Variants in PCYOX1L observed in about 807,000 individuals in gnomAD.
PCYOX1L encodes the protein prenylcysteine oxidase 1 like.
A neutral mutation model predicts 44.1 loss-of-function variants in PCYOX1L; 40 were observed. That is an observed-to-expected ratio of 0.91 (90% CI 0.70 to 1.18). The LOEUF is 1.18. Among genes scored for constraint, PCYOX1L ranks in the 50% most tolerant of loss-of-function variants. The probability of loss-of-function intolerance (pLI) is 0.00; values close to 1 mark genes in which losing one functional copy is unlikely to be tolerated. For synonymous variants in PCYOX1L, 266 were observed against 282.8 expected (o/e 0.94, Z 0.60); for missense variants, 605 against 653.3 (o/e 0.93, Z 0.81).
rs1758136329 is a variant in PCYOX1L, at chr5:149,364,558, GGCAGCCAGCCCTCCACC to G, written c.470+356_470+372del. 5 of 203,538 alleles carry G rather than the reference GGCAGCCAGCCCTCCACC, an allele frequency of 2.5e-5. No individual in the cohort carries two copies. The South Asian group carries it at 5.5e-4, about 22-fold the overall frequency. The allele number at this position is 203,538 out of a possible 1,614,324, so 12.6% of individuals were successfully genotyped here. On this transcript the variant is annotated intron_variant, in intron 3 of 5. Coordinates refer to ENST00000274569, the MANE Select transcript of PCYOX1L (RefSeq NM_024028.4). ...GCAGAACAAGGCCCCCTCTGAAGGA[GGCAGCCAGCCCTCCACC>G]GCAGCCATCTGCAGCCAGCCGTGTA...
chr5:149,361,866 G>A (rs1485719256), intron 1 of PCYOX1L, among the ~76,000 whole-genome samples: 2 of 147,666 alleles, frequency 1.4e-5, no homozygotes, highest in Admixed American at 6.6e-5. Flanking sequence ...GACTTCAGGT[G>A]ATCTGCCCCC....
At chr5:149,359,916 C>T (rs1757959948) in intron 1 of PCYOX1L, among the ~76,000 whole-genome samples, 1 of 152,220 alleles carries the variant, frequency 6.6e-6, no homozygotes, top group Admixed American at 6.5e-5. Context: ...CTGAGAACCC[C>T]CAAGTGGCAT....
chr5:149,368,022 G>T lies in PCYOX1L; in HGVS notation c.853G>T (p.Glu285Ter), dbSNP rs1326533214. ...EGKALYQVAY[E>*]NEVGNSSDFY... Reference sequence around the variant, plus strand: ...GAAAGCCCTGTACCAGGTGGCGTATGAGAATGAGGTAGGCAACAGCTCTGA... The same window carrying T: ...GAAAGCCCTGTACCAGGTGGCGTATTAGAATGAGGTAGGCAACAGCTCTGA... The change falls in exon 6 of 6, where the codon GAG (glutamate) becomes TAG (stop). Residue 285 changes from glutamate to a stop codon, truncating the protein, a stop_gained. Coordinates refer to ENST00000274569, the MANE Select transcript of PCYOX1L (RefSeq NM_024028.4). LOFTEE classifies it high-confidence loss of function. 1 of 1,548,134 alleles carries T rather than the reference G, an allele frequency of 6.5e-7. No homozygotes were observed. Among genetic ancestry groups the T allele is most frequent in the Admixed American group, 2.0e-5 (1 of 49,080 alleles).
rs1407453927 is a variant in PCYOX1L at position 149,362,778 on chromosome 5, A to C, written c.230A>C (p.Tyr77Ser). The C allele has an allele frequency of 6.2e-7, 1 of 1,614,162 alleles. No homozygotes were observed. Among genetic ancestry groups the C allele is most frequent in the Non-Finnish European group, 8.5e-7 (1 of 1,180,022 alleles). Residue 77 changes from tyrosine (Y) to serine (S), a missense_variant, in exon 2 of 6, where the codon TAT becomes TCT. By Grantham distance (144) the Tyr-to-Ser change is moderately radical (BLOSUM62 -2). Coordinates refer to ENST00000274569, the MANE Select transcript of PCYOX1L (RefSeq NM_024028.4). ...ACCATCTCAGTCAACAAGCAGCACT[A>C]TGAGAGCGGGGCTGCCTCCTTCCAC... Reference protein sequence around the residue: ...LATISVNKQHYESGAASFHSL... With the variant: ...LATISVNKQHSESGAASFHSL...
At chr5:149,367,721 CT>C (rs1758265051) in intron 5 of PCYOX1L, among the ~76,000 whole-genome samples, 1 of 152,232 alleles carries the variant, frequency 6.6e-6, no homozygotes, top group Admixed American at 6.5e-5. Context: ...CAGCCTTTTT[CT>C]GTTGACCGAT....
chr5:149,364,432 C>T (rs1308972663), intron 3 of PCYOX1L: 4 of 539,736 alleles, frequency 7.4e-6, no homozygotes, highest in Non-Finnish European at 9.9e-6. Context: ...ATTTTCTTAC[C>T]CTCTACTACA....
In PCYOX1L at chr5:149,367,534, C is replaced by T. The variant is rs200328826; in HGVS notation, c.823+34C>T. On this transcript the variant is annotated intron_variant, in intron 5 of 5. Coordinates refer to ENST00000274569, the MANE Select transcript of PCYOX1L (RefSeq NM_024028.4). ...ACAGGGCGGGAGTGGGCAGGCATGCCATTCCCAGCCAGTGGACAGACACTT... is the reference window on the plus strand; with the variant it reads ...ACAGGGCGGGAGTGGGCAGGCATGCTATTCCCAGCCAGTGGACAGACACTT... The T allele has an allele frequency of 3.7e-5, 59 of 1,606,812 alleles. No homozygotes were observed. The East Asian group carries it at 1.3e-3, about 35-fold the overall frequency.
At chr5:149,367,966 T>C in intron 5 of PCYOX1L, 27 bp from the exon 6 acceptor site, 1 of 1,520,106 alleles carries the variant, frequency 6.6e-7, no homozygotes, top group South Asian at 1.3e-5. Flanking sequence ...CAAGGGAAAG[T>C]TGACTTTTGT....
intron 3 of PCYOX1L, 141 bp from the exon 4 acceptor site, chr5:149,365,801 C>T: frequency 4.2e-6 from 3 of 720,310 alleles, no homozygotes; most frequent in Non-Finnish European, 7.0e-6. Flanking sequence ...TGCCAGGGAA[C>T]ATGACCAGCC....
intron 1 of PCYOX1L, among the ~76,000 whole-genome samples, chr5:149,361,394 T>C (rs1758006357): frequency 6.6e-6 from 1 of 152,144 alleles, no homozygotes; most frequent in Non-Finnish European, 1.5e-5. Flanking sequence ...TTGATGTCTG[T>C]CCAGGCAGTG....
At chr5:149,367,715 C>T (rs1021760883) in intron 5 of PCYOX1L, among the ~76,000 whole-genome samples, 1 of 152,210 alleles carries the variant, frequency 6.6e-6, no homozygotes, top group African/African-American at 2.4e-5. Flanking sequence ...TCGACCCAGC[C>T]TTTTTCTGTT....
chr5:149,361,234 CCTCAT>C (rs1758001124), intron 1 of PCYOX1L, among the ~76,000 whole-genome samples: 3 of 152,254 alleles, frequency 2.0e-5, no homozygotes, highest in Admixed American at 2.0e-4. Flanking sequence ...CATGGTGAAA[CCTCAT>C]CTCTACGAAA....
At chr5:149,367,046 C>G (rs1213760854) in intron 4 of PCYOX1L, among the ~76,000 whole-genome samples, 1 of 152,170 alleles carries the variant, frequency 6.6e-6, no homozygotes, top group Non-Finnish European at 1.5e-5. Context: ...CCCCAACACC[C>G]CCCGGCCTCC....
chr5:149,364,290 T>C (rs1758127063), intron 3 of PCYOX1L, 80 bp downstream of exon 3: 2 of 1,536,356 alleles, frequency 1.3e-6, no homozygotes, highest in East Asian at 2.3e-5. Context: ...GCCTGTACTT[T>C]GTGAAAAAGG....
chr5:149,362,890 G>T (rs775307406), intron 2 of PCYOX1L, 47 bp downstream of exon 2: 10 of 1,595,918 alleles, frequency 6.3e-6, no homozygotes, highest in Non-Finnish European at 7.7e-6. Flanking sequence ...CCTGGGGCTG[G>T]TGACAGCACT....
Position 149,368,497 on chromosome 5 carries a change from T to C in PCYOX1L, c.1328T>C (p.Leu443Pro). 6.2e-7 allele frequency: 1 copy of C among 1,612,334 alleles called. No individual in the cohort carries two copies. The highest frequency in any genetic ancestry group is 8.5e-7 in the Non-Finnish European group (1 of 1,179,040). ...TLPRFALHDQ[L>P]FYLNALEWAA... is the part of the protein sequence containing the mutation. ...CCGAGGTTTGCACTCCATGACCAGC[T>C]CTTCTACCTCAATGCCCTGGAGTGG... Residue 443 changes from leucine to proline, a missense_variant, in exon 6 of 6, where the codon CTC becomes CCC. Transcript: ENST00000274569.
At chr5:149,363,735 A>G (rs2127613494) in intron 2 of PCYOX1L, 1 of 377,600 alleles carries the variant, frequency 2.6e-6, no homozygotes, top group Admixed American at 3.9e-5. Context: ...CAAGGCCACC[A>G]TCTCCAAACA....
chr5:149,360,106 C>T (rs528057241), intron 1 of PCYOX1L, among the ~76,000 whole-genome samples: 1 of 152,358 alleles, frequency 6.6e-6, no homozygotes, highest in South Asian at 2.1e-4. Flanking sequence ...TCACTGCTTC[C>T]CCTTCAGGAC....
At position 149,368,020 on chromosome 5, in the gene PCYOX1L, A is replaced by G. The variant is rs1411473707; in HGVS notation, c.851A>G (p.Tyr284Cys). The G allele has an allele frequency of 6.5e-7, 1 of 1,546,902 alleles. No homozygotes were observed. The highest frequency in any genetic ancestry group is 8.7e-7 in the Non-Finnish European group (1 of 1,150,370). Residue 284 changes from tyrosine (Y) to cysteine (C), a missense_variant, in exon 6 of 6, where the codon TAT becomes TGT. Transcript: ENST00000274569. ...TEGKALYQVA[Y>C]ENEVGNSSDF... ...GGGAAAGCCCTGTACCAGGTGGCGT[A>G]TGAGAATGAGGTAGGCAACAGCTCT...
Sources: gnomAD v4.1 joint callset for allele counts (sites outside exome capture counted in the v4.1 genomes callset) on GRCh38, gnomAD v4.1.1 for gene constraint, MANE v1.5 for transcripts, NCBI Gene and HGNC (gene_info 2026-07-23, HGNC 2026-07-21) for gene names.